Variants in BRINP2 observed in about 807,000 individuals in gnomAD.
BRINP2 encodes the protein BMP/retinoic acid-inducible neural-specific protein 2.
BRINP2 carries 21 observed loss-of-function variants against 69.2 expected under a neutral mutation model. The observed-to-expected ratio is 0.30, with a 90% confidence interval of 0.22 to 0.44. The LOEUF is 0.44. BRINP2 is among the 20% of genes least tolerant of loss of function. BRINP2 has a pLI of 1.00. For synonymous variants in BRINP2, 380 were observed against 394.1 expected (o/e 0.96, Z 0.42); for missense variants, 877 against 986.0 (o/e 0.89, Z 1.48).
intron 1 of BRINP2, among the ~76,000 whole-genome samples, chr1:177,212,331 G>T (rs1174280155): frequency 6.6e-6 from 1 of 152,046 alleles, no homozygotes; most frequent in Non-Finnish European, 1.5e-5. Context: ...GGATCACAAG[G>T]TCAGGAGATC....
At chr1:177,262,028 G>A (rs1385630495) in intron 4 of BRINP2, among the ~76,000 whole-genome samples, 1 of 152,154 alleles carries the variant, frequency 6.6e-6, no homozygotes, top group Non-Finnish European at 1.5e-5. Flanking sequence ...TACATGAAGA[G>A]TACAAAAGGC....
At chr1:177,217,403 C>T (rs565747186) in intron 1 of BRINP2, among the ~76,000 whole-genome samples, 11 of 152,116 alleles carry the variant, frequency 7.2e-5, no homozygotes, top group Middle Eastern at 3.4e-3. Context: ...GTATTATCTT[C>T]GAGATTTTAT....
intron 1 of BRINP2, among the ~76,000 whole-genome samples, chr1:177,215,223 A>G (rs566691579): frequency 1.7e-4 from 26 of 152,192 alleles, no homozygotes; most frequent in Non-Finnish European, 3.1e-4. Flanking sequence ...TGTTGTCACA[A>G]ATGAGAGAAT....
At chr1:177,253,358 G>A (rs971018479) in intron 2 of BRINP2, among the ~76,000 whole-genome samples, 3 of 151,984 alleles carry the variant, frequency 2.0e-5, no homozygotes, top group African/African-American at 4.8e-5. Context: ...TTTGAAAAAT[G>A]TCTATTCAAG....
At chr1:177,182,655 GT>G (rs1040075808) in intron 1 of BRINP2, among the ~76,000 whole-genome samples, 8 of 151,342 alleles carry the variant, frequency 5.3e-5, no homozygotes, top group Admixed American at 1.3e-4. Flanking sequence ...AGTTTCGATG[GT>G]TTTTTTTTGC....
chr1:177,264,260 T>G (rs1340829409), intron 4 of BRINP2, among the ~76,000 whole-genome samples: 1 of 152,180 alleles, frequency 6.6e-6, no homozygotes, highest in African/African-American at 2.4e-5. Flanking sequence ...TTAAATTCCT[T>G]GATTCATCAC....
intron 1 of BRINP2, among the ~76,000 whole-genome samples, chr1:177,210,180 G>A (rs1362510518): frequency 1.3e-5 from 2 of 152,160 alleles, no homozygotes; most frequent in Non-Finnish European, 2.9e-5. Flanking sequence ...AATAAAAACA[G>A]CCTAACAAGT....
chr1:177,208,000 AG>A (rs1390303367), intron 1 of BRINP2, among the ~76,000 whole-genome samples: 5 of 152,220 alleles, frequency 3.3e-5, no homozygotes, highest in Non-Finnish European at 7.3e-5. Flanking sequence ...TGAGGGGTGT[AG>A]AACCTGGTGG....
At chr1:177,203,460 CT>C in intron 1 of BRINP2, among the ~76,000 whole-genome samples, 4 of 151,426 alleles carry the variant, frequency 2.6e-5, no homozygotes, top group Admixed American at 2.6e-4. Context: ...CACATGTATC[CT>C]AAAACTTAAA....
chr1:177,255,800 T>C, intron 2 of BRINP2, 119 bp from the exon 3 acceptor site: 2 of 1,031,038 alleles, frequency 1.9e-6, no homozygotes. Flanking sequence ...GCTGAGGGGA[T>C]GTGGGCTGAG....
intron 2 of BRINP2, among the ~76,000 whole-genome samples, chr1:177,249,402 A>G (rs1431707526): frequency 6.6e-6 from 1 of 152,200 alleles, no homozygotes; most frequent in Non-Finnish European, 1.5e-5. Flanking sequence ...GTCCACAGGG[A>G]AGGGCTCTCT....
intron 2 of BRINP2, among the ~76,000 whole-genome samples, chr1:177,255,333 C>G (rs1001124825): frequency 1.3e-5 from 2 of 152,092 alleles, no homozygotes; most frequent in Non-Finnish European, 2.9e-5. Context: ...AATGTTATCT[C>G]TAAATGAAAT....
chr1:177,246,255 G>T (rs1361499004), intron 2 of BRINP2, among the ~76,000 whole-genome samples: 3 of 152,174 alleles, frequency 2.0e-5, no homozygotes, highest in South Asian at 2.1e-4. Flanking sequence ...TATGACAAAG[G>T]TGGACAGTAC....
At chr1:177,248,479 G>A (rs1650465841) in intron 2 of BRINP2, among the ~76,000 whole-genome samples, 1 of 150,810 alleles carries the variant, frequency 6.6e-6, no homozygotes, top group Non-Finnish European at 1.5e-5. Flanking sequence ...GTGCGTGTGT[G>A]TGTGTGTGTG....
At position 177,255,591 on chromosome 1, in the gene BRINP2, T is replaced by G. The variant is rs1042743760; in HGVS notation, c.270-328T>G. ...TAGATCACATCTTTGCAAACCACTG[T>G]TCCAATGTTTGTTTTTTCTACTACT... On this transcript the variant is annotated intron_variant, in intron 2 of 7. Coordinates refer to ENST00000361539, the MANE Select transcript of BRINP2 (RefSeq NM_021165.4). 2.6e-5 allele frequency among the ~76,000 whole-genome samples: 4 copies of G among 152,240 alleles called. No homozygotes were observed. In the East Asian group the frequency reaches 7.7e-4, roughly 29 times the overall value.
intron 1 of BRINP2, among the ~76,000 whole-genome samples, chr1:177,213,033 A>G (rs1013142122): frequency 1.8e-4 from 28 of 152,274 alleles, no homozygotes; most frequent in African/African-American, 6.7e-4. Flanking sequence ...TATTGTTATG[A>G]AGGTCCTATT....
At chr1:177,222,896 T>C (rs539451651) in intron 1 of BRINP2, among the ~76,000 whole-genome samples, 3 of 151,426 alleles carry the variant, frequency 2.0e-5, no homozygotes, top group Non-Finnish European at 4.4e-5. Context: ...CCGCAAGGAG[T>C]GGCTGGGGTT....
At chr1:177,215,355 T>G (rs1287971543) in intron 1 of BRINP2, among the ~76,000 whole-genome samples, 1 of 152,232 alleles carries the variant, frequency 6.6e-6, no homozygotes, top group Non-Finnish European at 1.5e-5. Flanking sequence ...TATGGACATT[T>G]TCACAACATT....
intron 1 of BRINP2, among the ~76,000 whole-genome samples, chr1:177,212,736 G>T (rs1263928697): frequency 6.6e-6 from 1 of 152,116 alleles, no homozygotes; most frequent in Non-Finnish European, 1.5e-5. Context: ...CCAGCTCTGG[G>T]TGTTAAAAAT....
Sources: allele counts gnomAD v4.1 joint callset (sites outside exome capture counted in the v4.1 genomes callset), GRCh38; gene constraint gnomAD v4.1.1; transcripts MANE v1.5; gene names NCBI Gene and HGNC (gene_info 2026-07-23, HGNC 2026-07-21).